RFC3: variants seen among roughly 807,000 people sequenced by gnomAD.
RFC3 encodes replication factor C subunit 3.
A neutral mutation model predicts 45.1 loss-of-function variants in RFC3; 41 were observed. The ratio of observed to expected loss-of-function variants is 0.91; its 90% CI spans 0.71 to 1.18. The LOEUF is 1.18. Ranked by LOEUF, RFC3 falls within the 50% of genes most tolerant of loss-of-function variation. RFC3 has a pLI of 0.00. For synonymous variants in RFC3, 149 were observed against 144.0 expected (o/e 1.03, Z -0.25); for missense variants, 423 against 428.1 (o/e 0.99, Z 0.10).
intron 8 of RFC3, among the ~76,000 whole-genome samples, chr13:33,880,442 G>A (rs553299935): frequency 2.1e-4 from 32 of 152,230 alleles, no homozygotes; most frequent in African/African-American, 7.5e-4. Context: ...GAGTCATTGT[G>A]GGTTGCTCTA....
In RFC3 at chr13:33,830,854, C is replaced by G; in HGVS notation, c.709C>G (p.Gln237Glu). Reference protein sequence around the residue: ...LLMCEACRVQQYPFTADQEIP... With the variant: ...LLMCEACRVQEYPFTADQEIP... ...TATGTGTGAAGCCTGCAGAGTGCAA[C>G]AGTGAGTGGAAGGGGTAGTTACATT... Residue 237 changes from glutamine (Q) to glutamate (E), a missense_variant and splice_region_variant, in exon 6 of 9, where the codon CAA becomes GAA. Physicochemically the swap from Gln to Glu is conservative, Grantham distance 29. Transcript: ENST00000380071. 6.2e-7 allele frequency: 1 copy of G among 1,611,472 alleles called. No individual in the cohort carries two copies. Among genetic ancestry groups the G allele is most frequent in the Non-Finnish European group, 8.5e-7 (1 of 1,179,196 alleles).
intron 8 of RFC3, chr13:33,849,976 A>G (rs1356968712): frequency 6.6e-6 from 1 of 152,220 alleles, no homozygotes. Context: ...AATATTAATT[A>G]CATGTTAACA....
At chr13:33,941,994 C>G (rs1291828382) in intron 8 of RFC3, among the ~76,000 whole-genome samples, 2 of 152,000 alleles carry the variant, frequency 1.3e-5, no homozygotes, top group Non-Finnish European at 2.9e-5. Context: ...ATCATTTGTT[C>G]AGGGGAGCCC....
At chr13:33,826,011 T>C (rs1461744249) in intron 4 of RFC3, 125 bp downstream of exon 4, 4 of 438,712 alleles carry the variant, frequency 9.1e-6, no homozygotes, top group Non-Finnish European at 1.2e-5. Context: ...TATAGTCTAA[T>C]GGAATTGAAT....
intron 8 of RFC3, among the ~76,000 whole-genome samples, chr13:33,887,927 T>C (rs1260899269): frequency 6.6e-6 from 1 of 152,188 alleles, no homozygotes; most frequent in Non-Finnish European, 1.5e-5. Context: ...TTGTCAAAGA[T>C]CAGATAGTTG....
intron 8 of RFC3, among the ~76,000 whole-genome samples, chr13:33,844,422 C>T (rs879023962): frequency 6.6e-6 from 1 of 152,078 alleles, no homozygotes; most frequent in Admixed American, 6.6e-5. Flanking sequence ...GTTTTTTCTA[C>T]TACCGTTTTA....
intron 8 of RFC3, among the ~76,000 whole-genome samples, chr13:33,845,582 C>G (rs903184475): frequency 1.3e-5 from 2 of 152,042 alleles, no homozygotes; most frequent in South Asian, 4.1e-4. Flanking sequence ...ATTAATAGGC[C>G]AATTGAATTT....
the RFC3 span, among the ~76,000 whole-genome samples, chr13:33,971,877 C>G: frequency 8.5e-5 from 13 of 152,092 alleles, no homozygotes; most frequent in African/African-American, 3.1e-4. Context: ...TTTGGGAGGT[C>G]GAGGTGGGTG....
intron 8 of RFC3, among the ~76,000 whole-genome samples, chr13:33,925,082 C>T (rs913645853): frequency 6.4e-5 from 9 of 141,084 alleles, no homozygotes; most frequent in Non-Finnish European, 7.6e-5. Context: ...ACTATATACA[C>T]GCATATATAG....
intron 8 of RFC3, among the ~76,000 whole-genome samples, chr13:33,899,994 GA>G (rs2137664711): frequency 6.6e-6 from 1 of 151,904 alleles, no homozygotes; most frequent in Non-Finnish European, 1.5e-5. Context: ...ATCTATACAA[GA>G]AAACCTGTAA....
intron 8 of RFC3, among the ~76,000 whole-genome samples, chr13:33,894,375 A>G (rs1175261552): frequency 1.3e-5 from 2 of 152,184 alleles, no homozygotes; most frequent in African/African-American, 2.4e-5. Flanking sequence ...AATGGAGGGA[A>G]GTCGTTCCTG....
At chr13:33,924,313 AG>A (rs2082788310) in intron 8 of RFC3, among the ~76,000 whole-genome samples, 1 of 152,038 alleles carries the variant, frequency 6.6e-6, no homozygotes, top group Non-Finnish European at 1.5e-5. Flanking sequence ...AAGAAGATTC[AG>A]GTATAATCTT....
At chr13:33,972,106 A>C in the RFC3 span, among the ~76,000 whole-genome samples, 9 of 152,240 alleles carry the variant, frequency 5.9e-5, no homozygotes, top group African/African-American at 2.2e-4. Context: ...ACAGAGCAGG[A>C]CTCTGTCCTC....
the RFC3 span, among the ~76,000 whole-genome samples, chr13:33,973,302 A>T: frequency 2.0e-5 from 3 of 152,222 alleles, no homozygotes; most frequent in African/African-American, 7.2e-5. Flanking sequence ...CAGCATTTGG[A>T]TAGCTCACCA....
At chr13:33,901,359 TA>T (rs972196487) in intron 8 of RFC3, among the ~76,000 whole-genome samples, 9 of 151,932 alleles carry the variant, frequency 5.9e-5, no homozygotes, top group African/African-American at 1.9e-4. Context: ...TATTCAGCCA[TA>T]AAAAAATAAA....
At chr13:33,924,060 T>C (rs1343080997) in intron 8 of RFC3, among the ~76,000 whole-genome samples, 1 of 152,076 alleles carries the variant, frequency 6.6e-6, no homozygotes, top group Non-Finnish European at 1.5e-5. Flanking sequence ...GACAAGGTTT[T>C]GAAAATCAAA....
At chr13:33,930,601 G>A (rs772176373) in intron 8 of RFC3, among the ~76,000 whole-genome samples, 3 of 152,124 alleles carry the variant, frequency 2.0e-5, no homozygotes, top group South Asian at 2.1e-4. Flanking sequence ...CAACACCCTC[G>A]CGGACACACC....
intron 1 of RFC3, 88 bp from the exon 2 acceptor site, chr13:33,821,042 CAT>C: frequency 7.6e-7 from 1 of 1,313,946 alleles, no homozygotes; most frequent in Non-Finnish European, 1.1e-6. Flanking sequence ...TGGGTAGACA[CAT>C]AAAATATTTG....
At chr13:33,949,345 T>G (rs148368757) in intron 8 of RFC3, among the ~76,000 whole-genome samples, 68 of 152,296 alleles carry the variant, frequency 4.5e-4, no homozygotes, top group Non-Finnish European at 8.1e-4. Flanking sequence ...CAATTAAACC[T>G]CTTTTCTTTA....
Sources: allele counts gnomAD v4.1 joint callset (sites outside exome capture counted in the v4.1 genomes callset), GRCh38; gene constraint gnomAD v4.1.1; transcripts MANE v1.5; gene names NCBI Gene and HGNC (gene_info 2026-07-23, HGNC 2026-07-21).